The following CD200R1L variants were observed in gnomAD, a reference collection of about 807,000 sequenced individuals.
CD200R1L encodes the protein cell surface glycoprotein CD200 receptor 2.
CD200R1L carries 14 observed loss-of-function variants against 24.8 expected under a neutral mutation model. That is an observed-to-expected ratio of 0.56 (90% CI 0.37 to 0.88). The LOEUF (loss-of-function observed/expected upper bound fraction) is 0.88, where lower values mean the gene tolerates loss of function less well. Among genes scored for constraint, CD200R1L ranks in the 40% least tolerant of loss-of-function variants. CD200R1L has a pLI of 0.00. For missense variants in CD200R1L, 299 were observed against 297.8 expected (o/e 1.00, Z -0.03); for synonymous variants, 111 against 109.2 (o/e 1.02, Z -0.11).
At chr3:112,824,360 T>G (rs1489398710) in intron 6 of CD200R1L, among the ~76,000 whole-genome samples, 1 of 152,170 alleles carries the variant, frequency 6.6e-6, no homozygotes, top group Non-Finnish European at 1.5e-5. Context: ...CAGAATGGTT[T>G]CAAAAATATG....
intron 6 of CD200R1L, among the ~76,000 whole-genome samples, chr3:112,821,312 C>T (rs1290922625): frequency 6.6e-6 from 1 of 152,094 alleles, no homozygotes; most frequent in African/African-American, 2.4e-5. Flanking sequence ...AATGAGAAGA[C>T]AACTTATATG....
chr3:112,832,185 T>A (rs1262683036), intron 3 of CD200R1L, among the ~76,000 whole-genome samples: 1 of 152,176 alleles, frequency 6.6e-6, no homozygotes, highest in African/African-American at 2.4e-5. Context: ...TTTTGAAGGT[T>A]ATTTGAATAC....
chr3:112,826,904 T>G lies in CD200R1L; in HGVS notation c.616+89A>C, dbSNP rs1576089528. The G allele has an allele frequency of 4.8e-6, 7 of 1,458,540 alleles. No homozygotes were observed. In the East Asian group the frequency reaches 1.6e-4, roughly 34 times the overall value. The allele number at this position is 1,458,540 out of a possible 1,614,324, so 90.3% of individuals were successfully genotyped here. ...TATTTTCAAGCTAGGAGCTCAAATT[T>G]TCTTACCTGCTGTTTGGTTATTCGT... On this transcript the variant is annotated intron_variant, in intron 6 of 7. Transcript: ENST00000488794.
chr3:112,839,413 C>T (rs1576097690), intron 2 of CD200R1L, among the ~76,000 whole-genome samples: 1 of 152,134 alleles, frequency 6.6e-6, no homozygotes, highest in South Asian at 2.1e-4. Flanking sequence ...TACTTTAGAA[C>T]ATTTACATAT....
At position 112,845,819 on chromosome 3, in the gene CD200R1L, AC is replaced by A; in HGVS notation, c.-228del. ...CTTGGTGAATCTGTTTCTCTTGGTC[AC>A]TTTTGCTTATTCTGTCTTCAACAGG... On this transcript the variant is annotated 5_prime_UTR_variant, in exon 2 of 8. In the 5' UTR this introduces an upstream ATG that the reference lacks. Transcript: ENST00000488794. 1.0e-6 allele frequency: 1 copy of A among 986,986 alleles called. No homozygotes were observed. The highest frequency in any genetic ancestry group is 1.4e-5 in the South Asian group (1 of 70,780). 61.1% of individuals were successfully genotyped at this position (986,986 alleles called of 1,614,324 possible).
At chr3:112,838,869 T>A (rs1197575921) in intron 2 of CD200R1L, among the ~76,000 whole-genome samples, 1 of 152,182 alleles carries the variant, frequency 6.6e-6, no homozygotes, top group Admixed American at 6.5e-5. Context: ...CCTCACTCAA[T>A]CGGCTGAAAG....
intron 7 of CD200R1L, among the ~76,000 whole-genome samples, chr3:112,816,706 A>C (rs765028777): frequency 2.0e-5 from 3 of 152,124 alleles, no homozygotes; most frequent in Non-Finnish European, 4.4e-5. Context: ...AATCAATTCC[A>C]TATTGTAGCT....
intron 3 of CD200R1L, among the ~76,000 whole-genome samples, chr3:112,834,234 CTTTT>C (rs5851866): frequency 1.6e-4 from 15 of 93,296 alleles, no homozygotes; most frequent in African/African-American, 2.9e-4. Context: ...CACCATCATT[CTTTT>C]TTTTTTTTTT....
At chr3:112,841,674 C>G (rs1437623134) in intron 2 of CD200R1L, among the ~76,000 whole-genome samples, 3 of 152,200 alleles carry the variant, frequency 2.0e-5, no homozygotes, top group Non-Finnish European at 4.4e-5. Flanking sequence ...CAGCCCCACC[C>G]AAGGCCCATG....
Position 112,829,317 on chromosome 3 carries a change from A to G in CD200R1L, c.49+2T>C, listed in dbSNP as rs1317460190. ...CTGGCCACTACTAAGGGAGCATATT[A>G]CCTTCTGCAAAAATTGTTGAATAGT... On this transcript the variant is annotated splice_donor_variant, in intron 4 of 7. Transcript: ENST00000488794. LOFTEE classifies it high-confidence loss of function. 1 of 1,612,322 alleles carries G rather than the reference A, an allele frequency of 6.2e-7. No individual in the cohort carries two copies. Among genetic ancestry groups the G allele is most frequent in the Non-Finnish European group, 8.5e-7 (1 of 1,178,442 alleles).
intron 6 of CD200R1L, 35 bp from the exon 7 acceptor site, chr3:112,819,930 A>C (rs1203699422): frequency 6.5e-7 from 1 of 1,537,040 alleles, no homozygotes; most frequent in South Asian, 1.3e-5. Flanking sequence ...AATCATTTCA[A>C]GCATTCTTCT....
chr3:112,821,877 A>C (rs940218917), intron 6 of CD200R1L, among the ~76,000 whole-genome samples: 2 of 152,236 alleles, frequency 1.3e-5, no homozygotes, highest in Non-Finnish European at 2.9e-5. Context: ...CAGGACTTGA[A>C]ATGGACCTTG....
At chr3:112,823,392 C>G (rs887187004) in intron 6 of CD200R1L, among the ~76,000 whole-genome samples, 13 of 152,212 alleles carry the variant, frequency 8.5e-5, no homozygotes, top group African/African-American at 3.1e-4. Context: ...AGGTGGCAAT[C>G]TGGGACTTGT....
rs561278429 is a variant in CD200R1L at position 112,828,429 on chromosome 3, A to G, written c.50-745T>C. ...GCCTAGTGATAAGATGTTTAGAAAT[A>G]TTCATTTCTAGTTTAAAAAGTAGTG... On this transcript the variant is annotated intron_variant, in intron 4 of 7. Coordinates refer to ENST00000488794, the MANE Select transcript of CD200R1L (RefSeq NM_001199215.3). 1.2e-3 allele frequency among the ~76,000 whole-genome samples: 179 copies of G among 152,338 alleles called. 1 individual carries two copies. Among genetic ancestry groups the G allele is most frequent in the African/African-American group, 4.1e-3 (171 of 41,576 alleles).
At position 112,822,066 on chromosome 3, in the gene CD200R1L, G is replaced by A. The variant is rs1384542986; in HGVS notation, c.617-2171C>T. ...CAGTGACTTGTATGTGTCAGCAACT[G>A]TGCCAGACTTTAGGAATACAAAAAT... is the stretch of plus-strand genomic sequence containing the variant. On this transcript the variant is annotated intron_variant, in intron 6 of 7. Transcript: ENST00000488794. 3.3e-5 allele frequency among the ~76,000 whole-genome samples: 5 copies of A among 152,188 alleles called. No individual in the cohort carries two copies. The East Asian group carries it at 5.8e-4, about 18-fold the overall frequency.
At chr3:112,838,692 T>C (rs1939016198) in intron 2 of CD200R1L, among the ~76,000 whole-genome samples, 1 of 152,184 alleles carries the variant, frequency 6.6e-6, no homozygotes, top group Non-Finnish European at 1.5e-5. Flanking sequence ...AAAATGTGTA[T>C]CCTCCTGTGA....
At chr3:112,846,245 A>G (rs1383833659) in intron 1 of CD200R1L, among the ~76,000 whole-genome samples, 1 of 152,224 alleles carries the variant, frequency 6.6e-6, no homozygotes, top group Non-Finnish European at 1.5e-5. Context: ...AGAGAAGTTG[A>G]GTAAACACTA....
intron 6 of CD200R1L, among the ~76,000 whole-genome samples, chr3:112,820,524 G>A (rs1938509614): frequency 6.6e-6 from 1 of 151,902 alleles, no homozygotes; most frequent in African/African-American, 2.4e-5. Flanking sequence ...TCCACCTCCT[G>A]GGTTCAAGTG....
intron 3 of CD200R1L, among the ~76,000 whole-genome samples, chr3:112,836,543 A>G (rs1338927709): frequency 6.6e-6 from 1 of 152,256 alleles, no homozygotes; most frequent in East Asian, 1.9e-4. Context: ...TCAGGGGTCT[A>G]TGCTTAAGAC....
Sources: gnomAD v4.1 joint callset for allele counts (sites outside exome capture counted in the v4.1 genomes callset) on GRCh38, gnomAD v4.1.1 for gene constraint, MANE v1.5 for transcripts, NCBI Gene and HGNC (gene_info 2026-07-23, HGNC 2026-07-21) for gene names.